Variants in PIEZO2 observed in about 807,000 individuals in gnomAD.
The protein encoded by PIEZO2 is piezo type mechanosensitive ion channel component 2.
Under a neutral mutation model 337.3 loss-of-function variants are expected in PIEZO2, and 172 were observed. The observed-to-expected ratio is 0.51, with a 90% confidence interval of 0.45 to 0.58. The LOEUF is 0.58. PIEZO2 is among the 20% of genes least tolerant of loss of function. The pLI is 0.00. For synonymous variants in PIEZO2, 1,251 were observed against 1,228.5 expected, an observed-to-expected ratio of 1.02 and a Z score of -0.38; for missense variants, 3,028 against 3,391.3, an observed-to-expected ratio of 0.89 and a Z score of 2.66.
At chr18:11,013,556 A>G (rs2035979740) in intron 2 of PIEZO2, among the ~76,000 whole-genome samples, 1 of 152,228 alleles carries the variant, frequency 6.6e-6, no homozygotes, top group Non-Finnish European at 1.5e-5. Flanking sequence ...TCAAATAACT[A>G]ATTCAAGGTC....
Position 10,775,261 on chromosome 18 carries a change from AC to A in PIEZO2, c.2535-1224del, listed in dbSNP as rs2038743500. Reference sequence around the variant, plus strand: ...GAAGTTAGCTACTCTTAAAATTGCAACCCATATCTTCTATACCAGTGCCACA... The same window carrying A: ...GAAGTTAGCTACTCTTAAAATTGCAACCATATCTTCTATACCAGTGCCACA... On this transcript the variant is annotated intron_variant, in intron 18 of 55. Transcript: ENST00000674853. This position sits in a 1 kb window ranked among gnomAD's most constrained non-coding sequence, Gnocchi z 4.3. Among the ~76,000 whole-genome samples the A allele has an allele frequency of 6.6e-6, 1 of 152,146 alleles. No homozygotes were observed. The highest frequency in any genetic ancestry group is 1.5e-5 in the Non-Finnish European group (1 of 68,026).
intron 2 of PIEZO2, among the ~76,000 whole-genome samples, chr18:10,983,630 T>A (rs1260429307): frequency 6.6e-6 from 1 of 151,972 alleles, no homozygotes; most frequent in Non-Finnish European, 1.5e-5. Flanking sequence ...AATCAGCTCA[T>A]AGACTCCACC....
rs974504399 is a variant in PIEZO2, at chr18:10,824,684, T to G, written c.918-17410A>C. Among the ~76,000 whole-genome samples, 2 of 152,182 alleles carry G rather than the reference T, an allele frequency of 1.3e-5. No homozygotes were observed. The highest frequency in any genetic ancestry group is 4.8e-5 in the African/African-American group (2 of 41,452). On this transcript the variant is annotated intron_variant, in intron 7 of 55. Coordinates refer to ENST00000674853, the MANE Select transcript of PIEZO2 (RefSeq NM_001378183.1). This position sits in a 1 kb window ranked among gnomAD's most constrained non-coding sequence, Gnocchi z 4.4. ...GTGTTTTTTTAAATTTTAGAACAAT[T>G]TTAAATTTACAGACAAGTTGAAAAC...
At chr18:11,075,804 T>C (rs1428550090) in intron 1 of PIEZO2, among the ~76,000 whole-genome samples, 2 of 120,276 alleles carry the variant, frequency 1.7e-5, no homozygotes, top group Non-Finnish European at 3.7e-5. Flanking sequence ...TTTTTTTTTT[T>C]TTGAGACAGA....
intron 2 of PIEZO2, among the ~76,000 whole-genome samples, chr18:11,012,157 A>G (rs1237666369): frequency 1.3e-5 from 2 of 152,240 alleles, no homozygotes; most frequent in African/African-American, 4.8e-5. Flanking sequence ...TCAAGGGTAT[A>G]TAAGACTGCA....
chr18:10,955,678 T>TA (rs1265164738), intron 3 of PIEZO2, among the ~76,000 whole-genome samples: 4 of 152,344 alleles, frequency 2.6e-5, no homozygotes, highest in African/African-American at 9.6e-5. Flanking sequence ...ATTTTTCACA[T>TA]TTCCACTTCC....
Position 10,682,033 on chromosome 18 carries a change from T to TA in PIEZO2, c.7686+70dup. ...GTCGGCAGCCCATGACTAAACACCC[T>TA]ACAGACAGCTATCATAAAGGAATGT... is the stretch of plus-strand genomic sequence containing the variant. On this transcript the variant is annotated intron_variant, in intron 50 of 55. Coordinates refer to ENST00000674853, the MANE Select transcript of PIEZO2 (RefSeq NM_001378183.1). This position sits in a 1 kb window ranked among gnomAD's most constrained non-coding sequence, Gnocchi z 5.6. 7.1e-7 allele frequency: 1 copy of TA among 1,415,868 alleles called. No homozygotes were observed. Among genetic ancestry groups the TA allele is most frequent in the Admixed American group, 2.3e-5 (1 of 43,162 alleles). The allele number at this position is 1,415,868 out of a possible 1,614,324, so 87.7% of individuals were successfully genotyped here. A position where few individuals can be genotyped will look rare whatever the true frequency, so the allele number is the denominator to read the frequency against.
At chr18:11,026,473 A>G (rs909811059) in intron 2 of PIEZO2, among the ~76,000 whole-genome samples, 5 of 152,088 alleles carry the variant, frequency 3.3e-5, no homozygotes, top group African/African-American at 1.2e-4. Flanking sequence ...CCCTCTTCTC[A>G]TCCACGTCTC....
In PIEZO2 at chr18:11,143,635, ACACACTCTCT is replaced by A. The variant is rs1308409971; in HGVS notation, c.64+4880_64+4889del. On this transcript the variant is annotated intron_variant, in intron 1 of 55. Transcript: ENST00000674853. This position sits in a 1 kb window ranked among gnomAD's most constrained non-coding sequence, Gnocchi z 4.9. ...CACACACACACACACACACACACAC[ACACACTCTCT>A]CTCTCTCTCTCTCTCTCTCTCTCTC... Among the ~76,000 whole-genome samples, 8 of 75,938 alleles carry A rather than the reference ACACACTCTCT, an allele frequency of 1.1e-4. No individual in the cohort carries two copies. Among genetic ancestry groups the A allele is most frequent in the African/African-American group, 6.4e-4 (8 of 12,524 alleles). The allele number at this position is 75,938 out of a possible 152,430, so 49.8% of individuals were successfully genotyped here.
intron 2 of PIEZO2, among the ~76,000 whole-genome samples, chr18:11,059,775 G>C (rs1228957330): frequency 6.6e-6 from 1 of 152,006 alleles, no homozygotes. Flanking sequence ...TAGAGACCTA[G>C]AAAGAGACTT....
intron 4 of PIEZO2, among the ~76,000 whole-genome samples, chr18:10,887,418 G>A (rs2042639500): frequency 6.6e-6 from 1 of 151,958 alleles, no homozygotes; most frequent in African/African-American, 2.4e-5. Flanking sequence ...CTATCACAAA[G>A]ACAGCACCAA....
chr18:11,044,027 G>A (rs2037213557), intron 2 of PIEZO2, among the ~76,000 whole-genome samples: 1 of 151,874 alleles, frequency 6.6e-6, no homozygotes, highest in African/African-American at 2.4e-5. Flanking sequence ...CAGTATGTTA[G>A]TACTGACATT....
At chr18:10,723,499 A>T (rs2036406720) in intron 36 of PIEZO2, among the ~76,000 whole-genome samples, 1 of 152,062 alleles carries the variant, frequency 6.6e-6, no homozygotes, top group South Asian at 2.1e-4. Context: ...TAGCTGGAGG[A>T]GGGTGGGTAC....
chr18:10,780,140 C>T (rs1236494746), intron 18 of PIEZO2, among the ~76,000 whole-genome samples, 185 bp downstream of exon 18: 1 of 152,200 alleles, frequency 6.6e-6, no homozygotes, highest in Non-Finnish European at 1.5e-5. Context: ...CCTCCACATC[C>T]ACTTGACGGC....
At chr18:10,947,588 T>C (rs562637387) in intron 3 of PIEZO2, among the ~76,000 whole-genome samples, 89 of 151,958 alleles carry the variant, frequency 5.9e-4, no homozygotes, top group African/African-American at 2.0e-3. Flanking sequence ...AAGAAGAGAG[T>C]TCTCTCTCAA....
chr18:10,946,276 T>C (rs1445082332), intron 3 of PIEZO2, among the ~76,000 whole-genome samples: 1 of 152,214 alleles, frequency 6.6e-6, no homozygotes, highest in Non-Finnish European at 1.5e-5. Context: ...CAGCAGATTT[T>C]GTATCAGAAC....
At chr18:11,052,375 A>ATG (rs1343682568) in intron 2 of PIEZO2, among the ~76,000 whole-genome samples, 1 of 152,324 alleles carries the variant, frequency 6.6e-6, no homozygotes, top group East Asian at 1.9e-4. Flanking sequence ...ATTTCATAAC[A>ATG]TGTGAGATCA....
intron 2 of PIEZO2, among the ~76,000 whole-genome samples, chr18:11,052,341 G>C (rs2037562181): frequency 6.6e-6 from 1 of 152,186 alleles, no homozygotes; most frequent in Non-Finnish European, 1.5e-5. Flanking sequence ...TCCTCAGGAT[G>C]CTGCCTTCTC....
intron 7 of PIEZO2, among the ~76,000 whole-genome samples, chr18:10,811,535 G>T (rs371999642): frequency 6.6e-6 from 1 of 152,132 alleles, no homozygotes; most frequent in Non-Finnish European, 1.5e-5. Flanking sequence ...AGAGAGAAAG[G>T]TAAGAAACTG....
Sources: gnomAD v4.1 joint callset for allele counts (sites outside exome capture counted in the v4.1 genomes callset) on GRCh38, gnomAD v4.1.1 for gene constraint, Gnocchi (gnomAD v3.1) non-coding constraint, MANE v1.5 for transcripts, NCBI Gene and HGNC (gene_info 2026-07-23, HGNC 2026-07-21) for gene names.